The following MAPK8IP1 variants were observed in gnomAD, a reference collection of about 807,000 sequenced individuals.
MAPK8IP1 encodes the protein C-Jun-amino-terminal kinase-interacting protein 1.
Under a neutral mutation model 72.6 loss-of-function variants are expected in MAPK8IP1, and 17 were observed. That is an observed-to-expected ratio of 0.23 (90% CI 0.16 to 0.35). MAPK8IP1 has a LOEUF of 0.35. Among genes scored for constraint, MAPK8IP1 ranks in the 10% least tolerant of loss-of-function variants. The probability of loss-of-function intolerance (pLI) is 1.00; values close to 1 mark genes in which losing one functional copy is unlikely to be tolerated. For synonymous variants in MAPK8IP1, 401 were observed against 443.4 expected (o/e 0.90, Z 1.20); for missense variants, 789 against 1,009.7 (o/e 0.78, Z 2.96).
chr11:45,896,178 G>T (rs879481373), intron 1 of MAPK8IP1, among the ~76,000 whole-genome samples: 5 of 152,222 alleles, frequency 3.3e-5, no homozygotes, highest in Admixed American at 6.5e-5. Context: ...TGTGGCTCTG[G>T]TGCCTCCTGC....
intron 1 of MAPK8IP1, chr11:45,897,054 C>G (rs1004291372): frequency 3.7e-5 from 46 of 1,252,196 alleles, no homozygotes; most frequent in Non-Finnish European, 5.1e-5. Flanking sequence ...GAGTCTGGGC[C>G]TCCTAGGTTC....
At position 45,900,201 on chromosome 11, in the gene MAPK8IP1, ATGCTGCAGATGGACC is replaced by A; in HGVS notation, c.274_288del (p.Leu92_Leu96del). ...CGCGGGGAGCCGGTTGCAGGCCGAG[ATGCTGCAGATGGACC>A]TGATCGACGCGACGGGGGACACTCC... On this transcript the variant is annotated inframe_deletion, in exon 3 of 12. Coordinates refer to ENST00000241014, the MANE Select transcript of MAPK8IP1 (RefSeq NM_005456.4). The surrounding 1 kb of genome is among the most constrained non-coding windows in gnomAD (Gnocchi z 6.5). The A allele has an allele frequency of 3.0e-6, 4 of 1,321,236 alleles. No homozygotes were observed. The highest frequency in any genetic ancestry group is 2.9e-6 in the Non-Finnish European group (3 of 1,042,998). The allele number at this position is 1,321,236 out of a possible 1,614,324, so 81.8% of individuals were successfully genotyped here.
At chr11:45,899,954 G>A (rs1398920696) in intron 2 of MAPK8IP1, among the ~76,000 whole-genome samples, 184 bp from the exon 3 acceptor site, 1 of 152,154 alleles carries the variant, frequency 6.6e-6, no homozygotes, top group Admixed American at 6.5e-5. Flanking sequence ...GGATCGGGGA[G>A]GCGGCGGCCT....
rs376882512 is a variant in MAPK8IP1, at chr11:45,889,604, G to A, written c.101+3683G>A. On this transcript the variant is annotated intron_variant, in intron 1 of 11. Coordinates refer to ENST00000241014, the MANE Select transcript of MAPK8IP1 (RefSeq NM_005456.4). Reference sequence around the variant, plus strand: ...GGGGTTTCATGGACAAGAAGGGAGCGAGCGGCCTGTCTGGGGTGTGTAGAA... The same window carrying A: ...GGGGTTTCATGGACAAGAAGGGAGCAAGCGGCCTGTCTGGGGTGTGTAGAA... Among the ~76,000 whole-genome samples, 4 of 152,218 alleles carry A rather than the reference G, an allele frequency of 2.6e-5. 1 individual carries two copies. Among genetic ancestry groups the A allele is most frequent in the East Asian group, 3.9e-4 (2 of 5,184 alleles).
In MAPK8IP1 at chr11:45,906,259, G is replaced by A. The variant is rs41275178; in HGVS notation, c.*538G>A. 1.6e-3 allele frequency: 514 copies of A among 326,704 alleles called. 1 individual carries two copies. Among genetic ancestry groups the A allele is most frequent in the South Asian group, 2.6e-3 (33 of 12,636 alleles). 20.2% of individuals were successfully genotyped at this position (326,704 alleles called of 1,614,324 possible). On this transcript the variant is annotated 3_prime_UTR_variant, in exon 12 of 12. Transcript: ENST00000241014. ...AGGTGAAGTCCCTGTTCTCAGCTCC[G>A]TCATCTGCGGGGCTTCTGGGTGGCT...
chr11:45,903,742 C>T lies in MAPK8IP1; in HGVS notation c.1494-247C>T, dbSNP rs1028595970. Among the ~76,000 whole-genome samples, 36 of 152,174 alleles carry T rather than the reference C, an allele frequency of 2.4e-4. No homozygotes were observed. The highest frequency in any genetic ancestry group is 8.4e-4 in the African/African-American group (35 of 41,440). On this transcript the variant is annotated intron_variant, in intron 6 of 11. Transcript: ENST00000241014. The surrounding 1 kb of genome is among the most constrained non-coding windows in gnomAD (Gnocchi z 6.4). ...ACCCTTCTCTAGACAAAAGCCTGCG[C>T]TTCCCACAGCCTCTCCATTTTAGAG...
chr11:45,890,808 T>C (rs1342634955), intron 1 of MAPK8IP1, among the ~76,000 whole-genome samples: 1 of 152,122 alleles, frequency 6.6e-6, no homozygotes, highest in East Asian at 1.9e-4. Context: ...AATCATACAG[T>C]CAGTCGGTTT....
intron 1 of MAPK8IP1, among the ~76,000 whole-genome samples, chr11:45,889,129 A>C (rs573486954): frequency 6.6e-5 from 10 of 152,196 alleles, no homozygotes; most frequent in Non-Finnish European, 7.3e-5. Flanking sequence ...GGGGATGGGA[A>C]CCCAAGTCTA....
intron 1 of MAPK8IP1, among the ~76,000 whole-genome samples, chr11:45,890,929 C>G (rs567889840): frequency 6.6e-6 from 1 of 152,232 alleles, no homozygotes; most frequent in East Asian, 1.9e-4. Flanking sequence ...TCCAGGGAGA[C>G]TGAGCAGAGG....
At position 45,896,570 on chromosome 11, in the gene MAPK8IP1, G is replaced by T. The variant is rs553543469; in HGVS notation, c.102-1515G>T. Reference sequence around the variant, plus strand: ...GCATTGATTGCAGTAACCTGATCCCGTGAGGGAGGCGGCCACAGCGGCAGC... The same window carrying T: ...GCATTGATTGCAGTAACCTGATCCCTTGAGGGAGGCGGCCACAGCGGCAGC... On this transcript the variant is annotated intron_variant, in intron 1 of 11. Coordinates refer to ENST00000241014, the MANE Select transcript of MAPK8IP1 (RefSeq NM_005456.4). 25 of 1,258,656 alleles carry T rather than the reference G, an allele frequency of 2.0e-5. 1 individual carries two copies. The Middle Eastern group carries it at 1.6e-3, about 79-fold the overall frequency. The allele number at this position is 1,258,656 out of a possible 1,614,324, so 78.0% of individuals were successfully genotyped here.
rs557916080 is a variant in MAPK8IP1, at chr11:45,904,353, G to A, written c.1667-102G>A. On this transcript the variant is annotated intron_variant, in intron 7 of 11. Coordinates refer to ENST00000241014, the MANE Select transcript of MAPK8IP1 (RefSeq NM_005456.4). The surrounding 1 kb of genome is among the most constrained non-coding windows in gnomAD (Gnocchi z 6.4). ...GCAGCCAGGGATTGTGGCAGCCTCT[G>A]TGGGCTCTGCCATTCCCCGTGCCTC... 8.4e-7 allele frequency: 1 copy of A among 1,196,450 alleles called. No homozygotes were observed. Among genetic ancestry groups the A allele is most frequent in the South Asian group, 1.3e-5 (1 of 78,500 alleles). The allele number at this position is 1,196,450 out of a possible 1,614,324, so 74.1% of individuals were successfully genotyped here. A position where few individuals can be genotyped will look rare whatever the true frequency, so the allele number is the denominator to read the frequency against.
At chr11:45,896,677 C>G (rs1190143319) in intron 1 of MAPK8IP1, 14 of 1,405,074 alleles carry the variant, frequency 1.0e-5, no homozygotes, top group Non-Finnish European at 1.3e-5. Flanking sequence ...GGACCCGGGT[C>G]GGCAGCTGCA....
At chr11:45,905,323 C>A in intron 11 of MAPK8IP1, 74 bp downstream of exon 11, 2 of 1,372,850 alleles carry the variant, frequency 1.5e-6, no homozygotes, top group Non-Finnish European at 2.1e-6. Flanking sequence ...TGCTTCCTGG[C>A]GCTCAGCTTT....
chr11:45,896,010 C>A (rs1314181052), intron 1 of MAPK8IP1, among the ~76,000 whole-genome samples: 2 of 152,192 alleles, frequency 1.3e-5, no homozygotes, highest in Non-Finnish European at 2.9e-5. Context: ...CTACAGGGCA[C>A]CTTGTCCATC....
chr11:45,902,675 C>T lies in MAPK8IP1; in HGVS notation c.908C>T (p.Thr303Ile), dbSNP rs917677473. ...AEPTSAFLPPTESRMSVSSDP... is the reference protein window; with the variant it reads ...AEPTSAFLPPIESRMSVSSDP... ...CCCACCTCCGCCTTCCTGCCGCCCACTGAGAGCCGGATGTCAGTCAGCTCC... is the reference window on the plus strand; with the variant it reads ...CCCACCTCCGCCTTCCTGCCGCCCATTGAGAGCCGGATGTCAGTCAGCTCC... Residue 303 changes from threonine (T) to isoleucine (I), a missense_variant, in exon 5 of 12, where the codon ACT becomes ATT. Around this residue, in one of 4 missense-constraint regions of MAPK8IP1, gnomAD observed 377 missense variants for 411.7 expected, o/e 0.92. Transcript: ENST00000241014. The surrounding 1 kb of genome is among the most constrained non-coding windows in gnomAD (Gnocchi z 9.3). The T allele has an allele frequency of 2.5e-6, 4 of 1,611,896 alleles. No individual in the cohort carries two copies. The African/African-American group carries it at 4.0e-5, about 16-fold the overall frequency.
Position 45,902,416 on chromosome 11 carries a change from C to A in MAPK8IP1, c.649C>A (p.Leu217Met). 5 of 1,582,114 alleles carry A rather than the reference C, an allele frequency of 3.2e-6. No homozygotes were observed. Among genetic ancestry groups the A allele is most frequent in the Admixed American group, 1.8e-5 (1 of 54,880 alleles). ...PHEHICLSDE[L>M]PPQSGPAPTT... The stretch of plus-strand genomic sequence containing the variant: ...TGAACACATCTGCCTGAGCGATGAG[C>A]TGCCCCCCCAGAGCGGCCCCGCCCC... The change falls in exon 5 of 12, where the codon CTG (leucine) becomes ATG (methionine). Residue 217 changes from leucine to methionine, a missense_variant. By Grantham distance (15) the Leu-to-Met change is conservative. Around this residue, in one of 4 missense-constraint regions of MAPK8IP1, gnomAD observed 377 missense variants for 411.7 expected, o/e 0.92. Transcript: ENST00000241014. The surrounding 1 kb of genome is among the most constrained non-coding windows in gnomAD (Gnocchi z 9.3).
Position 45,902,457 on chromosome 11 carries a change from C to T in MAPK8IP1, c.690C>T (p.Gly230=). ...QSGPAPTTDR[G]TSTDSPCRRS... ...GCCCCGCCCCCACCACAGATCGAGG[C>T]ACCTCCACCGACAGCCCTTGCCGCC... Residue 230 remains glycine (G), a synonymous_variant, in exon 5 of 12, where the codon GGC becomes GGT. Coordinates refer to ENST00000241014, the MANE Select transcript of MAPK8IP1 (RefSeq NM_005456.4). This position sits in a 1 kb window ranked among gnomAD's most constrained non-coding sequence, Gnocchi z 9.3. 2 of 1,599,888 alleles carry T rather than the reference C, an allele frequency of 1.3e-6. No homozygotes were observed. Among genetic ancestry groups the T allele is most frequent in the Non-Finnish European group, 8.5e-7 (1 of 1,174,238 alleles).
At chr11:45,905,615 G>A (rs567137970) in intron 11 of MAPK8IP1, 34 bp from the exon 12 acceptor site, 23 of 1,591,162 alleles carry the variant, frequency 1.4e-5, no homozygotes, top group African/African-American at 6.7e-5. Flanking sequence ...TGCCAGTGGC[G>A]ATCTGAGCCA....
chr11:45,893,670 G>A (rs538073928), intron 1 of MAPK8IP1, among the ~76,000 whole-genome samples: 5 of 152,010 alleles, frequency 3.3e-5, no homozygotes, highest in Admixed American at 6.5e-5. Flanking sequence ...GAGGGAGGCC[G>A]GCCTGCGGAG....
Sources: allele counts gnomAD v4.1 joint callset (sites outside exome capture counted in the v4.1 genomes callset), GRCh38; gene constraint gnomAD v4.1.1; regional missense constraint gnomAD v4.1.1; non-coding constraint Gnocchi (gnomAD v3.1); transcripts MANE v1.5; gene names NCBI Gene and HGNC (gene_info 2026-07-23, HGNC 2026-07-21).